Variants in NELL2 observed in about 807,000 individuals in gnomAD.
The protein encoded by NELL2 is protein kinase C-binding protein NELL2.
In NELL2, 41 loss-of-function variants were observed where a neutral mutation model predicts 109.6. The ratio of observed to expected loss-of-function variants is 0.37; its 90% CI spans 0.29 to 0.49. The LOEUF is 0.49. Among genes scored for constraint, NELL2 ranks in the 20% least tolerant of loss-of-function variants. The pLI is 0.98. For synonymous variants in NELL2, 355 were observed against 344.7 expected (o/e 1.03, Z -0.33); for missense variants, 900 against 1,008.3 (o/e 0.89, Z 1.45).
chr12:44,717,351 T>C (rs911046306), intron 9 of NELL2, among the ~76,000 whole-genome samples: 1 of 152,168 alleles, frequency 6.6e-6, no homozygotes, highest in Non-Finnish European at 1.5e-5. Flanking sequence ...TTAACAAATA[T>C]GTACTGAGCT....
chr12:44,639,555 A>T (rs1330076585), intron 13 of NELL2, among the ~76,000 whole-genome samples: 2 of 152,136 alleles, frequency 1.3e-5, no homozygotes, highest in Non-Finnish European at 2.9e-5. Flanking sequence ...TTCAATCTAG[A>T]AATATGAGAC....
chr12:44,729,709 T>A (rs1939268331), intron 9 of NELL2, among the ~76,000 whole-genome samples: 1 of 143,954 alleles, frequency 6.9e-6, no homozygotes, highest in Non-Finnish European at 1.5e-5. Context: ...TTCCAGGATT[T>A]TTTTTTTTTT....
At chr12:44,833,405 G>A (rs1308595937) in intron 2 of NELL2, among the ~76,000 whole-genome samples, 1 of 152,070 alleles carries the variant, frequency 6.6e-6, no homozygotes, top group Non-Finnish European at 1.5e-5. Context: ...ATTTTTCAGT[G>A]TACTACTTTG....
chr12:44,709,670 A>G (rs1938085627), intron 11 of NELL2, among the ~76,000 whole-genome samples: 1 of 152,178 alleles, frequency 6.6e-6, no homozygotes, highest in Non-Finnish European at 1.5e-5. Context: ...CATTAGCATC[A>G]CCTAGGAGCT....
intron 3 of NELL2, among the ~76,000 whole-genome samples, chr12:44,795,944 TG>T (rs1374609488): frequency 6.6e-6 from 1 of 152,082 alleles, no homozygotes; most frequent in African/African-American, 2.4e-5. Flanking sequence ...TTTATTCTAA[TG>T]GTATTTGTTC....
rs1308711294 is a variant in NELL2, at chr12:44,508,603, C to G, written c.*331G>C. 1 of 200,874 alleles carries G rather than the reference C, an allele frequency of 5.0e-6. No individual in the cohort carries two copies. The highest frequency in any genetic ancestry group is 1.0e-5 in the Non-Finnish European group (1 of 99,984). The allele number at this position is 200,874 out of a possible 1,614,324, so 12.4% of individuals were successfully genotyped here. A position where few individuals can be genotyped will look rare whatever the true frequency, so the allele number is the denominator to read the frequency against. The stretch of plus-strand genomic sequence containing the variant: ...AGATTCTGATCTAGAGGAAAATTTT[C>G]TGCACCAGTGAAGCTAGAGGCTTTC... On this transcript the variant is annotated 3_prime_UTR_variant, in exon 20 of 20. Transcript: ENST00000429094.
chr12:44,576,383 C>T (rs61930833), intron 15 of NELL2, among the ~76,000 whole-genome samples: 34,632 of 152,010 alleles, frequency 0.23, 4,103 homozygotes, highest in South Asian at 0.34. Context: ...GTCTTTTCCA[C>T]GATTAAATCA....
At chr12:44,901,860 G>C (rs1447077823) in intron 1 of NELL2, among the ~76,000 whole-genome samples, 1 of 152,084 alleles carries the variant, frequency 6.6e-6, no homozygotes, top group African/African-American at 2.4e-5. Context: ...ACCCCTTCAT[G>C]CTAAAAACAC....
intron 3 of NELL2, among the ~76,000 whole-genome samples, chr12:44,811,215 A>G (rs1943164318): frequency 6.6e-6 from 1 of 151,744 alleles, no homozygotes; most frequent in Admixed American, 6.6e-5. Flanking sequence ...TAGGACAAAT[A>G]CCTAGTGCTT....
At chr12:44,558,016 T>A (rs545200702) in intron 15 of NELL2, among the ~76,000 whole-genome samples, 11 of 152,010 alleles carry the variant, frequency 7.2e-5, no homozygotes, top group Non-Finnish European at 1.3e-4. Context: ...AAAAAGTGAA[T>A]GGAACATCAA....
At chr12:44,665,323 TAGAACA>T in intron 13 of NELL2, 155 bp downstream of exon 13, 1 of 562,680 alleles carries the variant, frequency 1.8e-6, no homozygotes, top group Non-Finnish European at 2.9e-6. Context: ...TTTTTTTCTT[TAGAACA>T]GATTAAGAAA....
chr12:44,874,769 G>A (rs1370486425), intron 2 of NELL2, among the ~76,000 whole-genome samples: 1 of 152,126 alleles, frequency 6.6e-6, no homozygotes, highest in Non-Finnish European at 1.5e-5. Flanking sequence ...AAAATATTCA[G>A]AGGCATTAAT....
At chr12:44,521,499 C>T (rs1178396274) in intron 18 of NELL2, among the ~76,000 whole-genome samples, 1 of 144,666 alleles carries the variant, frequency 6.9e-6, no homozygotes, top group African/African-American at 2.8e-5. Flanking sequence ...CACTGCACTC[C>T]AGCCTGGGCG....
At chr12:44,897,160 TTAG>T (rs1945602465) in intron 1 of NELL2, among the ~76,000 whole-genome samples, 1 of 151,932 alleles carries the variant, frequency 6.6e-6, no homozygotes. Flanking sequence ...TCTACTGAGG[TTAG>T]TAGAATACCC....
intron 15 of NELL2, among the ~76,000 whole-genome samples, chr12:44,540,218 A>G (rs12582341): frequency 0.17 from 25,441 of 152,114 alleles, 2,489 homozygotes; most frequent in African/African-American, 0.27. Context: ...TTCCAACCCT[A>G]TAAACATTAT....
intron 1 of NELL2, among the ~76,000 whole-genome samples, chr12:44,911,163 A>G (rs1945775408): frequency 6.6e-6 from 1 of 152,038 alleles, no homozygotes; most frequent in Non-Finnish European, 1.5e-5. Context: ...TTATTAAATA[A>G]ATAGGTAAAT....
At chr12:44,587,284 A>AAAAAAAAAAAAAAAATATATATATAT in intron 15 of NELL2, among the ~76,000 whole-genome samples, 7 of 72,208 alleles carry the variant, frequency 9.7e-5, no homozygotes, top group Admixed American at 1.6e-4. Flanking sequence ...AAAAAAAAAA[A>AAAAAAAAAAAAAAAATATATATATAT]ATATATATAT....
At chr12:44,746,398 C>T (rs1381953434) in intron 9 of NELL2, among the ~76,000 whole-genome samples, 1 of 152,138 alleles carries the variant, frequency 6.6e-6, no homozygotes, top group Non-Finnish European at 1.5e-5. Context: ...GCAAGTACTT[C>T]ATGTCTAAAA....
At chr12:44,691,612 G>A (rs1028659146) in intron 12 of NELL2, among the ~76,000 whole-genome samples, 3 of 152,152 alleles carry the variant, frequency 2.0e-5, no homozygotes, top group South Asian at 2.1e-4. Flanking sequence ...AATACAGGCC[G>A]AAAGTTAGGC....
Sources: gnomAD v4.1 joint callset for allele counts (sites outside exome capture counted in the v4.1 genomes callset) on GRCh38, gnomAD v4.1.1 for gene constraint, MANE v1.5 for transcripts, NCBI Gene and HGNC (gene_info 2026-07-23, HGNC 2026-07-21) for gene names.